NR1D2: variants seen among roughly 807,000 people sequenced by gnomAD.
NR1D2 encodes the protein nuclear receptor subfamily 1 group D member 2, also known as V-erbA-related protein 1-related.
Under a neutral mutation model 52.2 loss-of-function variants are expected in NR1D2, and 25 were observed. The observed-to-expected ratio is 0.48, with a 90% CI of 0.35 to 0.67. The LOEUF (loss-of-function observed/expected upper bound fraction) is 0.67, where lower values mean the gene tolerates loss of function less well. NR1D2 is among the 30% of genes least tolerant of loss of function. The pLI, the probability that NR1D2 is intolerant of heterozygous loss-of-function variation, is 0.01. For synonymous variants in NR1D2, 259 were observed against 230.1 expected, an observed-to-expected ratio of 1.13 and a Z score of -1.14; for missense variants, 681 against 707.2, an observed-to-expected ratio of 0.96 and a Z score of 0.42.
chr3:23,950,886 TTTTCTC>T (rs1204329793), intron 1 of NR1D2, among the ~76,000 whole-genome samples: 25 of 134,598 alleles, frequency 1.9e-4, no homozygotes, highest in East Asian at 1.4e-3. Context: ...ATTTCTTTTC[TTTTCTC>T]TTTCTTTTTC....
intron 7 of NR1D2, among the ~76,000 whole-genome samples, chr3:23,970,655 C>G (rs2125296726): frequency 6.6e-6 from 1 of 152,276 alleles, no homozygotes; most frequent in African/African-American, 2.4e-5. Flanking sequence ...GAATACAGTG[C>G]ATTCTAATTT....
chr3:23,948,058 A>G (rs1180116938), intron 1 of NR1D2, among the ~76,000 whole-genome samples: 1 of 151,838 alleles, frequency 6.6e-6, no homozygotes, highest in Non-Finnish European at 1.5e-5. Flanking sequence ...TGAAGATTGC[A>G]GTGAGCCGAC....
rs11457044 is a variant in NR1D2, at chr3:23,971,303, A to ATTTTTTT, written c.1543+3294_1543+3300dup. ...ATATAATGCTTATATCTCTATACCT[A>ATTTTTTT]TTTTTTTTTTTTTTTTTTTTGAGAC... On this transcript the variant is annotated intron_variant, in intron 7 of 7. Coordinates refer to ENST00000312521, the MANE Select transcript of NR1D2 (RefSeq NM_005126.5). 3.2e-5 allele frequency among the ~76,000 whole-genome samples: 4 copies of ATTTTTTT among 123,100 alleles called. No individual in the cohort carries two copies. In the East Asian group the frequency reaches 7.0e-4, roughly 21 times the overall value. The allele number at this position is 123,100 out of a possible 152,430, so 80.8% of individuals were successfully genotyped here.
At chr3:23,954,457 G>T in intron 1 of NR1D2, 80 bp from the exon 2 acceptor site, 1 of 1,188,490 alleles carries the variant, frequency 8.4e-7, no homozygotes, top group Non-Finnish European at 1.2e-6. Context: ...AAAGTTAATG[G>T]CTTTACTGTT....
At chr3:23,967,277 C>T (rs1436730037) in intron 6 of NR1D2, among the ~76,000 whole-genome samples, 2 of 151,630 alleles carry the variant, frequency 1.3e-5, no homozygotes, top group African/African-American at 4.9e-5. Context: ...GAGCTGAGAT[C>T]GTGCCACTGC....
At chr3:23,959,250 C>T (rs561548075) in intron 3 of NR1D2, among the ~76,000 whole-genome samples, 4 of 139,516 alleles carry the variant, frequency 2.9e-5, no homozygotes, top group African/African-American at 1.1e-4. Flanking sequence ...GGCAACAGAA[C>T]GAGATCCTAT....
rs781604032 is a variant in NR1D2, at chr3:23,954,594, A to T, written c.74A>T (p.His25Leu). ...SSSASSPASC[H>L]SEGSENSFQS... Reference sequence around the variant, plus strand: ...TCAGCCTCAAGCCCTGCCTCTTGTCACAGTGAGGGTTCTGAGAATAGTTTC... The same window carrying T: ...TCAGCCTCAAGCCCTGCCTCTTGTCTCAGTGAGGGTTCTGAGAATAGTTTC... Residue 25 changes from histidine (H) to leucine (L), a missense_variant, in exon 2 of 8, where the codon CAC (histidine) becomes CTC (leucine). This residue lies in a region of NR1D2 where 94 missense variants were observed against 90.4 expected (regional missense o/e 1.04). Coordinates refer to ENST00000312521, the MANE Select transcript of NR1D2 (RefSeq NM_005126.5). 3 of 1,613,940 alleles carry T rather than the reference A, an allele frequency of 1.9e-6. No individual in the cohort carries two copies. Among genetic ancestry groups the T allele is most frequent in the Non-Finnish European group, 2.5e-6 (3 of 1,179,936 alleles).
rs182410559 is a variant in NR1D2 at position 23,961,866 on chromosome 3, T to C, written c.518-111T>C. On this transcript the variant is annotated intron_variant, in intron 4 of 7. Coordinates refer to ENST00000312521, the MANE Select transcript of NR1D2 (RefSeq NM_005126.5). ...GTGGACCAGAGACATGTAGACTCAT[T>C]CTTTATATGTATGACTAGAGGCCAT... The C allele has an allele frequency of 1.3e-4, 132 of 994,730 alleles. 2 individuals carry two copies. The East Asian group carries it at 2.5e-3, about 19-fold the overall frequency. 61.6% of individuals were successfully genotyped at this position (994,730 alleles called of 1,614,324 possible). A position where few individuals can be genotyped will look rare whatever the true frequency, so the allele number is the denominator to read the frequency against.
At chr3:23,958,684 G>C (rs981239074) in intron 3 of NR1D2, among the ~76,000 whole-genome samples, 1 of 147,968 alleles carries the variant, frequency 6.8e-6, no homozygotes, top group Non-Finnish European at 1.5e-5. Flanking sequence ...ATGGTGGCTC[G>C]TGCCTGTAAT....
intron 1 of NR1D2, chr3:23,946,161 C>G (rs1290888125): frequency 1.0e-6 from 1 of 985,190 alleles, no homozygotes; most frequent in Middle Eastern, 5.2e-4. Flanking sequence ...GAGGAGGCCG[C>G]GCGTGCGCGC....
Position 23,946,316 on chromosome 3 carries a change from T to G in NR1D2, c.16+722T>G. On this transcript the variant is annotated intron_variant, in intron 1 of 7. Coordinates refer to ENST00000312521, the MANE Select transcript of NR1D2 (RefSeq NM_005126.5). The stretch of plus-strand genomic sequence containing the variant: ...ACCGGCGCCTGGGGAGGCTGGTAGC[T>G]GCATACCTTGCAGATTCCGAGGAGG... 5 of 983,784 alleles carry G rather than the reference T, an allele frequency of 5.1e-6. No homozygotes were observed. In the African/African-American group the frequency reaches 5.2e-5, roughly 10 times the overall value. The allele number at this position is 983,784 out of a possible 1,614,324, so 60.9% of individuals were successfully genotyped here.
chr3:23,962,707 A>G, intron 5 of NR1D2, 102 bp downstream of exon 5: 2 of 1,136,628 alleles, frequency 1.8e-6, no homozygotes, highest in Non-Finnish European at 2.5e-6. Flanking sequence ...GTGTCAGGAA[A>G]CCTAAGAAAT....
intron 2 of NR1D2, among the ~76,000 whole-genome samples, chr3:23,955,621 C>T (rs1706061604): frequency 6.6e-6 from 1 of 151,984 alleles, no homozygotes; most frequent in South Asian, 2.1e-4. Context: ...AGTTCAAGAC[C>T]AGCCTGGGCA....
intron 1 of NR1D2, among the ~76,000 whole-genome samples, chr3:23,952,911 A>G (rs191637785): frequency 2.0e-5 from 3 of 150,928 alleles, no homozygotes; most frequent in Non-Finnish European, 4.4e-5. Flanking sequence ...CACATCTGAT[A>G]TCTACTACAT....
At position 23,980,513 on chromosome 3, in the gene NR1D2, TTTA is replaced by T. The variant is rs1417173061; in HGVS notation, c.*3097_*3099del. 6.6e-6 allele frequency: 1 copy of T among 152,096 alleles called. No homozygotes were observed. Among genetic ancestry groups the T allele is most frequent in the Non-Finnish European group, 1.5e-5 (1 of 67,982 alleles). The allele number at this position is 152,096 out of a possible 1,614,324, so 9.4% of individuals were successfully genotyped here. A position where few individuals can be genotyped will look rare whatever the true frequency, so the allele number is the denominator to read the frequency against. The stretch of plus-strand genomic sequence containing the variant: ...CATTGTTGATGGGATATGAGTTAAG[TTTA>T]TTTTCTACAAACTGTAATTGATGAG... On this transcript the variant is annotated 3_prime_UTR_variant, in exon 8 of 8. Transcript: ENST00000312521.
intron 4 of NR1D2, among the ~76,000 whole-genome samples, chr3:23,961,389 C>CTTTTTTTTTTTTTTTTT (rs869108010): frequency 1.1e-3 from 87 of 75,930 alleles, no homozygotes; most frequent in Non-Finnish European, 1.5e-3. Context: ...CTTTTTCTTT[C>CTTTTTTTTTTTTTTTTT]TTTTTTTTTT....
At chr3:23,977,166 T>G in intron 7 of NR1D2, 57 bp from the exon 8 acceptor site, 2 of 969,846 alleles carry the variant, frequency 2.1e-6, no homozygotes, top group Non-Finnish European at 2.8e-6. Context: ...TTTATTTATA[T>G]TTAATGTTAA....
intron 1 of NR1D2, among the ~76,000 whole-genome samples, chr3:23,945,843 C>T (rs1208210312): frequency 1.0e-4 from 15 of 150,718 alleles, no homozygotes; most frequent in African/African-American, 3.6e-4. Flanking sequence ...CTCACATGGC[C>T]CGGCCGCGCG....
Position 23,959,807 on chromosome 3 carries a change from C to T in NR1D2, c.509C>T (p.Ser170Leu). ...AAAAAGTGTCTGTCTGTTGGAATGT[C>T]AAGAGATGGTATGTTCCCAGTTTAA... is the stretch of plus-strand genomic sequence containing the variant. ...RFKKCLSVGM[S>L]RDAVRFGRIP... is the part of the protein sequence containing the mutation. The change falls in exon 4 of 8, where the codon TCA becomes TTA. Residue 170 changes from serine to leucine, a missense_variant. Ser to Leu is a moderately radical substitution (Grantham distance 145). Transcript: ENST00000312521. 6.2e-7 allele frequency: 1 copy of T among 1,612,390 alleles called. No individual in the cohort carries two copies. The highest frequency in any genetic ancestry group is 8.5e-7 in the Non-Finnish European group (1 of 1,179,326).
Sources: allele counts gnomAD v4.1 joint callset (sites outside exome capture counted in the v4.1 genomes callset), GRCh38; gene constraint gnomAD v4.1.1; regional missense constraint gnomAD v4.1.1; transcripts MANE v1.5; gene names NCBI Gene and HGNC (gene_info 2026-07-23, HGNC 2026-07-21).